The following ALG9 variants were observed in gnomAD, a reference collection of about 807,000 sequenced individuals.
The protein encoded by ALG9 is ALG9 alpha-1,2-mannosyltransferase, also known as alpha-1,2-mannosyltransferase ALG9.
Under a neutral mutation model 81.8 loss-of-function variants are expected in ALG9, and 55 were observed. The observed-to-expected ratio is 0.67, with a 90% CI of 0.54 to 0.84. The LOEUF is 0.84. ALG9 is among the 40% of genes least tolerant of loss of function. ALG9 has a pLI of 0.00. For synonymous variants in ALG9, 278 were observed against 274.3 expected (o/e 1.01, Z -0.13); for missense variants, 629 against 745.0 (o/e 0.84, Z 1.81).
chr11:111,811,967 C>T (rs888462749), intron 13 of ALG9, among the ~76,000 whole-genome samples: 2 of 151,932 alleles, frequency 1.3e-5, no homozygotes, highest in East Asian at 3.9e-4. Flanking sequence ...GAATTGTATG[C>T]TTTAAAATGA....
Position 111,853,750 on chromosome 11 carries a change from A to G in ALG9, c.702-14T>C. The G allele has an allele frequency of 6.2e-7, 1 of 1,604,004 alleles. No individual in the cohort carries two copies. On this transcript the variant is annotated splice_polypyrimidine_tract_variant and intron_variant, in intron 6 of 14. Transcript: ENST00000616540. ...GCAATGGGTAAACTATTTAACAGAG[A>G]AACAGAGCGGGGAGTTAAATAAATA...
At chr11:111,851,477 CAAAAA>C (rs11343980) in intron 8 of ALG9, among the ~76,000 whole-genome samples, 3 of 105,074 alleles carry the variant, frequency 2.9e-5, no homozygotes, top group Non-Finnish European at 6.0e-5. Context: ...AACTCCATCT[CAAAAA>C]AAAAAAAAAA....
intron 8 of ALG9, among the ~76,000 whole-genome samples, chr11:111,850,377 G>C (rs1032273075): frequency 2.0e-5 from 3 of 151,970 alleles, no homozygotes; most frequent in African/African-American, 4.8e-5. Flanking sequence ...CTCTCTGCAG[G>C]CCTCCTAAAC....
chr11:111,832,035 A>T (rs181346911), intron 13 of ALG9, among the ~76,000 whole-genome samples: 2 of 152,334 alleles, frequency 1.3e-5, no homozygotes, highest in Admixed American at 1.3e-4. Context: ...ATACACAAAT[A>T]TATCTACTGG....
Position 111,783,784 on chromosome 11 carries a change from G to A in ALG9, c.*2613C>T, listed in dbSNP as rs1946169433. 1.3e-5 allele frequency: 2 copies of A among 152,026 alleles called. No homozygotes were observed. Among genetic ancestry groups the A allele is most frequent in the Admixed American group, 1.3e-4 (2 of 15,260 alleles). 9.4% of individuals were successfully genotyped at this position (152,026 alleles called of 1,614,324 possible). On this transcript the variant is annotated 3_prime_UTR_variant, in exon 15 of 15. Coordinates refer to ENST00000616540, the MANE Select transcript of ALG9 (RefSeq NM_024740.2). ...TTGGCACAGCGTTCTGCCATGTATTGTGCTCTCACTAAAGACATACATAGA... is the reference window on the plus strand; with the variant it reads ...TTGGCACAGCGTTCTGCCATGTATTATGCTCTCACTAAAGACATACATAGA...
At chr11:111,823,336 T>C (rs1255861547) in intron 13 of ALG9, among the ~76,000 whole-genome samples, 1 of 152,230 alleles carries the variant, frequency 6.6e-6, no homozygotes, top group East Asian at 1.9e-4. Flanking sequence ...CTGATTCTAC[T>C]CTTCTCTAAA....
At chr11:111,786,577 TA>T (rs1946504693) in intron 14 of ALG9, 57 bp from the exon 15 acceptor site, 1 of 1,566,244 alleles carries the variant, frequency 6.4e-7, no homozygotes, top group Admixed American at 1.7e-5. Context: ...TTACTAATGG[TA>T]CTAAATGTGA....
intron 9 of ALG9, among the ~76,000 whole-genome samples, chr11:111,844,294 G>A (rs1308973915): frequency 2.6e-5 from 4 of 152,082 alleles, no homozygotes; most frequent in East Asian, 3.9e-4. Flanking sequence ...GTCAGCCACC[G>A]CGCCCGGCCT....
chr11:111,768,940 G>A, the ALG9 span: 1 of 151,902 alleles, frequency 6.6e-6, no homozygotes, highest in African/African-American at 2.4e-5. Context: ...CCAACTTGGA[G>A]AGACAGAGGG....
rs202206708 is a variant in ALG9 at position 111,809,531 on chromosome 11, C to CAA, written c.1733+111_1733+112insTT. On this transcript the variant is annotated intron_variant, in intron 14 of 14. Transcript: ENST00000616540. The stretch of plus-strand genomic sequence containing the variant: ...TGAGACTCCATTACACACACACACA[C>CAA]ACACACACGATGGCTACTAGAGTCA... 1.3e-3 allele frequency: 1,668 copies of CAA among 1,315,936 alleles called. 14 individuals are homozygous for CAA. In the Middle Eastern group the frequency reaches 0.022, roughly 18 times the overall value. 81.5% of individuals were successfully genotyped at this position (1,315,936 alleles called of 1,614,324 possible).
intron 10 of ALG9, among the ~76,000 whole-genome samples, chr11:111,838,628 A>G (rs1187949853): frequency 6.6e-6 from 1 of 152,182 alleles, no homozygotes; most frequent in Non-Finnish European, 1.5e-5. Context: ...TAGGAAAATT[A>G]TTTGAATATT....
At position 111,786,204 on chromosome 11, in the gene ALG9, G is replaced by C. The variant is rs1354357609; in HGVS notation, c.*193C>G. 7 of 833,780 alleles carry C rather than the reference G, an allele frequency of 8.4e-6. No individual in the cohort carries two copies. The highest frequency in any genetic ancestry group is 2.8e-5 in the South Asian group (2 of 71,732). The allele number at this position is 833,780 out of a possible 1,614,324, so 51.6% of individuals were successfully genotyped here. On this transcript the variant is annotated 3_prime_UTR_variant, in exon 15 of 15. Transcript: ENST00000616540. Reference sequence around the variant, plus strand: ...GCAAAAAGTTTACATGCAGAACAGAGACACACACAGGGAGCAAATGTGACT... The same window carrying C: ...GCAAAAAGTTTACATGCAGAACAGACACACACACAGGGAGCAAATGTGACT...
chr11:111,859,555 A>T (rs1403190805), intron 5 of ALG9, among the ~76,000 whole-genome samples: 1 of 152,016 alleles, frequency 6.6e-6, no homozygotes, highest in African/African-American at 2.4e-5. Flanking sequence ...AAAGCAACTT[A>T]AAAAACATCT....
intron 10 of ALG9, among the ~76,000 whole-genome samples, chr11:111,839,763 T>C (rs1039392733): frequency 1.3e-5 from 2 of 152,194 alleles, no homozygotes; most frequent in Non-Finnish European, 2.9e-5. Context: ...TCAATTACTT[T>C]TATAATTAAA....
chr11:111,806,328 T>G (rs188086620), intron 14 of ALG9, among the ~76,000 whole-genome samples: 365 of 152,274 alleles, frequency 2.4e-3, no homozygotes, highest in African/African-American at 8.4e-3. Context: ...CTTCAACCTT[T>G]CTAATCAATC....
intron 2 of ALG9, among the ~76,000 whole-genome samples, chr11:111,869,535 T>C (rs1369276579): frequency 6.6e-6 from 1 of 152,226 alleles, no homozygotes; most frequent in Admixed American, 6.5e-5. Flanking sequence ...CTGTTTTTCC[T>C]TTAGGTATTT....
intron 13 of ALG9, among the ~76,000 whole-genome samples, chr11:111,830,648 C>A (rs1555112772): frequency 1.3e-5 from 2 of 152,138 alleles, no homozygotes; most frequent in East Asian, 1.9e-4. Flanking sequence ...ATACCCGAGA[C>A]TGATAACAAT....
intron 13 of ALG9, among the ~76,000 whole-genome samples, chr11:111,830,031 A>G (rs1231113699): frequency 2.6e-5 from 4 of 152,254 alleles, no homozygotes; most frequent in African/African-American, 9.6e-5. Flanking sequence ...AGTTTCAGCA[A>G]ATTGGAAAGG....
intron 13 of ALG9, among the ~76,000 whole-genome samples, chr11:111,819,726 A>C (rs1320725284): frequency 1.3e-5 from 2 of 152,224 alleles, no homozygotes; most frequent in African/African-American, 4.8e-5. Context: ...CATCTCCTCA[A>C]ATCCCTCTGT....
Sources: allele counts gnomAD v4.1 joint callset (sites outside exome capture counted in the v4.1 genomes callset), GRCh38; gene constraint gnomAD v4.1.1; transcripts MANE v1.5; gene names NCBI Gene and HGNC (gene_info 2026-07-23, HGNC 2026-07-21).